The following NEBL variants were observed in gnomAD, a reference collection of about 807,000 sequenced individuals.
NEBL encodes LIM and SH3 protein 2.
Under a neutral mutation model 140.2 loss-of-function variants are expected in NEBL, and 122 were observed. The ratio of observed to expected loss-of-function variants is 0.87; its 90% CI spans 0.75 to 1.01. The LOEUF (loss-of-function observed/expected upper bound fraction) is 1.01, where lower values mean the gene tolerates loss of function less well. NEBL is among the 50% of genes least tolerant of loss of function. NEBL has a pLI of 0.00. For missense variants in NEBL, 1,365 were observed against 1,231.3 expected (o/e 1.11, Z -1.62); for synonymous variants, 436 against 398.9 (o/e 1.09, Z -1.11).
chr10:21,064,740 T>C (rs984674643), intron 2 of NEBL, among the ~76,000 whole-genome samples: 3 of 152,150 alleles, frequency 2.0e-5, no homozygotes, highest in African/African-American at 7.2e-5. Flanking sequence ...TAATTAGAAA[T>C]GCAATGTAAA....
chr10:21,227,660 T>C (rs999424959), intron 3 of NEBL, among the ~76,000 whole-genome samples: 6 of 62,024 alleles, frequency 9.7e-5, no homozygotes, highest in African/African-American at 3.6e-4. Flanking sequence ...AAGTTTCTTC[T>C]TCTTCTTCTT....
intron 1 of NEBL, among the ~76,000 whole-genome samples, chr10:21,281,936 T>C (rs773011808): frequency 2.0e-5 from 3 of 152,344 alleles, no homozygotes; most frequent in East Asian, 1.9e-4. Flanking sequence ...ATAAATTCCT[T>C]TCTTTTTAAG....
At chr10:20,873,738 T>C (rs1032379504) in intron 5 of NEBL, among the ~76,000 whole-genome samples, 2 of 152,218 alleles carry the variant, frequency 1.3e-5, no homozygotes, top group Admixed American at 6.5e-5. Flanking sequence ...TATTTTCTTA[T>C]TTTTATTAGA....
intron 4 of NEBL, among the ~76,000 whole-genome samples, chr10:20,954,837 C>A (rs1341702201): frequency 6.6e-6 from 1 of 152,110 alleles, no homozygotes; most frequent in Non-Finnish European, 1.5e-5. Context: ...AGCCTCTGAG[C>A]CAGTGTGGAT....
chr10:21,104,213 T>C (rs908158990), intron 2 of NEBL, among the ~76,000 whole-genome samples: 5 of 152,208 alleles, frequency 3.3e-5, no homozygotes, highest in Non-Finnish European at 7.3e-5. Flanking sequence ...CTAACTTTGT[T>C]CTTCTTTTTC....
At chr10:20,949,995 G>A (rs1025647906) in intron 4 of NEBL, among the ~76,000 whole-genome samples, 9 of 152,148 alleles carry the variant, frequency 5.9e-5, no homozygotes, top group Non-Finnish European at 8.8e-5. Flanking sequence ...AGTATGACTC[G>A]TGTTCAATTC....
chr10:20,886,997 T>C (rs1476780886), intron 4 of NEBL, among the ~76,000 whole-genome samples: 1 of 152,200 alleles, frequency 6.6e-6, no homozygotes, highest in Non-Finnish European at 1.5e-5. Context: ...ACGAGACAGA[T>C]GAGGTCCCTG....
At chr10:20,860,655 G>T (rs573953568) in intron 7 of NEBL, among the ~76,000 whole-genome samples, 1 of 149,854 alleles carries the variant, frequency 6.7e-6, no homozygotes, top group Non-Finnish European at 1.5e-5. Flanking sequence ...TGATTTCACA[G>T]GTCAAAGTAA....
intron 7 of NEBL, among the ~76,000 whole-genome samples, chr10:20,860,045 A>G (rs987424260): frequency 2.0e-5 from 3 of 152,120 alleles, no homozygotes; most frequent in Non-Finnish European, 2.9e-5. Context: ...TTAGGCATGA[A>G]CTCAAATCCT....
rs1298836526 is a variant in NEBL, at chr10:20,815,667, A to G, written c.2199T>C (p.Pro733=). Residue 733 remains proline, a synonymous_variant, in exon 22 of 28, where the codon CCT becomes CCC. Transcript: ENST00000377122. ...LGRATTLSVT[P]EMERVKKNQE... ...GATTCTTCTTCACTCTTTCCATTTC[A>G]GGAGTTACACTTAAAGTGGTAGCTC... The G allele has an allele frequency of 6.2e-7, 1 of 1,613,154 alleles. No individual in the cohort carries two copies.
intron 3 of NEBL, among the ~76,000 whole-genome samples, chr10:20,970,231 T>C (rs1222938222): frequency 6.6e-6 from 1 of 151,800 alleles, no homozygotes; most frequent in East Asian, 1.9e-4. Context: ...CAGCACTCCT[T>C]ACTGTACACA....
intron 3 of NEBL, among the ~76,000 whole-genome samples, chr10:21,011,273 C>T (rs11012483): frequency 0.19 from 28,859 of 152,004 alleles, 4,558 homozygotes; most frequent in East Asian, 0.54. Flanking sequence ...AAAATCAAAG[C>T]GTATACAACA....
Position 21,040,280 on chromosome 10 carries a change from C to T in NEBL, c.165-20079G>A, listed in dbSNP as rs926818088. ...ACTTGGGAGGCTGAGGCAGGAGAAT[C>T]GCTCGAACCCAGGAGGTGGAGGTTG... On this transcript the variant is annotated intron_variant, in intron 2 of 6. Coordinates refer to the NEBL transcript ENST00000417816. Among the ~76,000 whole-genome samples the T allele has an allele frequency of 4.6e-5, 7 of 152,150 alleles. No homozygotes were observed. In the South Asian group the frequency reaches 1.2e-3, roughly 27 times the overall value.
intron 2 of NEBL, among the ~76,000 whole-genome samples, chr10:21,099,199 T>A (rs929892660): frequency 9.9e-5 from 15 of 152,214 alleles, no homozygotes; most frequent in African/African-American, 3.6e-4. Flanking sequence ...TATCATTTTT[T>A]AAAATGACAT....
intron 3 of NEBL, among the ~76,000 whole-genome samples, chr10:21,194,251 T>C (rs1261499462): frequency 6.6e-6 from 1 of 152,120 alleles, no homozygotes; most frequent in Non-Finnish European, 1.5e-5. Flanking sequence ...GGATTATAAG[T>C]GTGAGCCACT....
Position 21,173,984 on chromosome 10 carries a change from G to A in NEBL, c.-151C>T. The A allele has an allele frequency of 7.5e-7, 1 of 1,327,258 alleles. No individual in the cohort carries two copies. The highest frequency in any genetic ancestry group is 3.4e-5 in the East Asian group (1 of 29,276). 82.2% of individuals were successfully genotyped at this position (1,327,258 alleles called of 1,614,324 possible). On this transcript the variant is annotated 5_prime_UTR_variant, in exon 1 of 7. Coordinates refer to the NEBL transcript ENST00000417816. The surrounding 1 kb of genome is among the most constrained non-coding windows in gnomAD (Gnocchi z 5.7). ...AGGGAGTCGGCGCCGGGCCACGGGT[G>A]AGTGCACGGGGAGGGCGACGGGGCC...
chr10:20,878,860 T>G (rs1034261779), intron 5 of NEBL, among the ~76,000 whole-genome samples: 1 of 152,134 alleles, frequency 6.6e-6, no homozygotes, highest in Non-Finnish European at 1.5e-5. Context: ...TCAAAGACCT[T>G]TTAGAAGAAA....
chr10:20,812,620 A>C, intron 24 of NEBL, 149 bp downstream of exon 24: 1 of 966,308 alleles, frequency 1.0e-6, no homozygotes, highest in Non-Finnish European at 1.6e-6. Flanking sequence ...ATCGTACAAA[A>C]ATAATACTTT....
At chr10:20,961,652 T>C in intron 4 of NEBL, 1 of 1,508,348 alleles carries the variant, frequency 6.6e-7, no homozygotes, top group South Asian at 1.1e-5. Context: ...CATCATGCTA[T>C]TGAATAAACA....
Sources: allele counts gnomAD v4.1 joint callset (sites outside exome capture counted in the v4.1 genomes callset), GRCh38; gene constraint gnomAD v4.1.1; non-coding constraint Gnocchi (gnomAD v3.1); transcripts MANE v1.5; gene names NCBI Gene and HGNC (gene_info 2026-07-23, HGNC 2026-07-21).